Variants in ELOVL4 observed in about 807,000 individuals in gnomAD.
The protein encoded by ELOVL4 is very long chain fatty acid elongase 4.
In ELOVL4, 18 loss-of-function variants were observed where a neutral mutation model predicts 42.1. The ratio of observed to expected loss-of-function variants is 0.43; its 90% confidence interval spans 0.30 to 0.63. ELOVL4 has a LOEUF of 0.63. Ranked by LOEUF, ELOVL4 falls within the 30% of genes least tolerant of loss-of-function variation. ELOVL4 has a pLI of 0.15. For synonymous variants in ELOVL4, 117 were observed against 127.0 expected (o/e 0.92, Z 0.53); for missense variants, 299 against 376.2 (o/e 0.79, Z 1.70).
chr6:79,918,754 G>A (rs1242360873), intron 5 of ELOVL4, among the ~76,000 whole-genome samples: 1 of 152,224 alleles, frequency 6.6e-6, no homozygotes, highest in Non-Finnish European at 1.5e-5. Flanking sequence ...GCATCTGAAA[G>A]GTACACTAAT....
At chr6:79,939,958 T>C (rs1774619077) in intron 1 of ELOVL4, among the ~76,000 whole-genome samples, 1 of 152,262 alleles carries the variant, frequency 6.6e-6, no homozygotes. Flanking sequence ...CTGAATAATA[T>C]TCCATTGTAT....
chr6:79,932,887 T>C (rs1272583857), intron 1 of ELOVL4, among the ~76,000 whole-genome samples: 1 of 151,518 alleles, frequency 6.6e-6, no homozygotes, highest in African/African-American at 2.4e-5. Context: ...ACACAGACAT[T>C]TGAACTTTTT....
In ELOVL4 at chr6:79,926,261, T is replaced by G; in HGVS notation, c.221A>C (p.Gln74Pro). Residue 74 changes from glutamine to proline, a missense_variant, in exon 2 of 6, where the codon CAG becomes CCG. Physicochemically the swap from Gln to Pro is moderately conservative, Grantham distance 76 (BLOSUM62 -1). Transcript: ENST00000369816. The part of the protein sequence containing the change: ...PKWMKDREPF[Q>P]MRLVLIIYNF... ...ATAGATAATGAGCACTAGACGCATC[T>G]GAAAAGGTTCTCGGTCCTTCATCCA... 1 of 1,614,010 alleles carries G rather than the reference T, an allele frequency of 6.2e-7. No individual in the cohort carries two copies.
chr6:79,931,655 TG>T (rs1161610247), intron 1 of ELOVL4, among the ~76,000 whole-genome samples: 1 of 152,152 alleles, frequency 6.6e-6, no homozygotes, highest in Admixed American at 6.6e-5. Context: ...GGATCATGAA[TG>T]CTTCAAAGCC....
intron 1 of ELOVL4, among the ~76,000 whole-genome samples, chr6:79,946,146 C>A (rs1774736931): frequency 6.6e-6 from 1 of 152,180 alleles, no homozygotes; most frequent in Non-Finnish European, 1.5e-5. Context: ...CGTTAATATC[C>A]TTCACTGATA....
chr6:79,924,899 C>G, intron 3 of ELOVL4, 53 bp downstream of exon 3: 1 of 1,047,066 alleles, frequency 9.6e-7, no homozygotes, highest in South Asian at 1.3e-5. Flanking sequence ...CAGACTGGGG[C>G]CTATAAAAAT....
At chr6:79,939,352 A>G (rs1187878438) in intron 1 of ELOVL4, among the ~76,000 whole-genome samples, 2 of 152,156 alleles carry the variant, frequency 1.3e-5, no homozygotes, top group Non-Finnish European at 2.9e-5. Context: ...ACAGTCCAGT[A>G]TCATTAAGCA....
chr6:79,937,349 T>C (rs571528620), intron 1 of ELOVL4, among the ~76,000 whole-genome samples: 17 of 152,164 alleles, frequency 1.1e-4, no homozygotes, highest in African/African-American at 4.1e-4. Context: ...ATTATAAAAT[T>C]TCCTAGAGCA....
intron 1 of ELOVL4, among the ~76,000 whole-genome samples, chr6:79,938,889 G>C (rs1305965485): frequency 6.6e-6 from 1 of 152,166 alleles, no homozygotes; most frequent in Non-Finnish European, 1.5e-5. Context: ...CTAGTGTGAC[G>C]GGAAGACAAG....
At chr6:79,924,843 T>C in intron 3 of ELOVL4, 109 bp downstream of exon 3, 1 of 738,070 alleles carries the variant, frequency 1.4e-6, no homozygotes, top group Admixed American at 2.1e-5. Context: ...TCTAAATGAA[T>C]GTTAAAGAAA....
intron 4 of ELOVL4, among the ~76,000 whole-genome samples, chr6:79,921,120 T>C (rs1382826629): frequency 6.6e-6 from 1 of 152,202 alleles, no homozygotes; most frequent in East Asian, 1.9e-4. Context: ...GGTATTAAAG[T>C]AGTCACAGAT....
chr6:79,943,194 AC>A (rs1561991666), intron 1 of ELOVL4, among the ~76,000 whole-genome samples: 1 of 152,206 alleles, frequency 6.6e-6, no homozygotes, highest in Non-Finnish European at 1.5e-5. Context: ...AGCATACTGT[AC>A]AATACTTAAA....
intron 1 of ELOVL4, among the ~76,000 whole-genome samples, chr6:79,929,156 C>A (rs1395921958): frequency 8.3e-6 from 1 of 121,126 alleles, no homozygotes; most frequent in Non-Finnish European, 1.6e-5. Flanking sequence ...GAAAACGAAT[C>A]ACCAGGTTGG....
Position 79,916,770 on chromosome 6 carries a change from G to A in ELOVL4, c.783C>T (p.Leu261=), listed in dbSNP as rs370048400. The A allele has an allele frequency of 3.7e-6, 6 of 1,614,190 alleles. No individual in the cohort carries two copies. Among genetic ancestry groups the A allele is most frequent in the Non-Finnish European group, 4.2e-6 (5 of 1,180,042 alleles). The stretch of plus-strand genomic sequence containing the variant: ...ATGTCCGAATGTAGAAGTTAAGAAA[G>A]AGAAATATGAAGCTGATTGCATAGG... ...LIAYAISFIF[L]FLNFYIRTYK... The change falls in exon 6 of 6, where the codon CTC becomes CTT. Residue 261 remains leucine, a synonymous_variant. Coordinates refer to ENST00000369816, the MANE Select transcript of ELOVL4 (RefSeq NM_022726.4).
chr6:79,946,151 C>A (rs1774737061), intron 1 of ELOVL4, among the ~76,000 whole-genome samples: 1 of 152,198 alleles, frequency 6.6e-6, no homozygotes, highest in Non-Finnish European at 1.5e-5. Context: ...ATATCCTTCA[C>A]TGATAGGATG....
chr6:79,937,052 G>A (rs979135612), intron 1 of ELOVL4, among the ~76,000 whole-genome samples: 1 of 152,206 alleles, frequency 6.6e-6, no homozygotes, highest in Non-Finnish European at 1.5e-5. Context: ...CAGAGGCTGG[G>A]CTAAAAAATG....
rs1011344469 is a variant in ELOVL4, at chr6:79,947,437, G to A, written c.-158C>T. Reference sequence around the variant, plus strand: ...TTCTCCTGCTCCTCAAGGCGCCGCGGCGGCGGGGATGCGGCAGAAGGCAGG... The same window carrying A: ...TTCTCCTGCTCCTCAAGGCGCCGCGACGGCGGGGATGCGGCAGAAGGCAGG... On this transcript the variant is annotated 5_prime_UTR_variant, in exon 1 of 6. Transcript: ENST00000369816. The A allele has an allele frequency of 1.5e-6, 1 of 655,476 alleles. No homozygotes were observed. The allele number at this position is 655,476 out of a possible 1,614,324, so 40.6% of individuals were successfully genotyped here. A position where few individuals can be genotyped will look rare whatever the true frequency, so the allele number is the denominator to read the frequency against.
At chr6:79,932,443 G>A (rs1774463475) in intron 1 of ELOVL4, among the ~76,000 whole-genome samples, 1 of 151,984 alleles carries the variant, frequency 6.6e-6, no homozygotes, top group African/African-American at 2.4e-5. Context: ...TACTCGGGAG[G>A]CTGAGGCAGG....
In ELOVL4 at chr6:79,924,874, C is replaced by T. The variant is rs958677712; in HGVS notation, c.369+78G>A. 3.8e-5 allele frequency: 34 copies of T among 899,962 alleles called. No homozygotes were observed. In the African/African-American group the frequency reaches 5.0e-4, roughly 13 times the overall value. 55.7% of individuals were successfully genotyped at this position (899,962 alleles called of 1,614,324 possible). On this transcript the variant is annotated intron_variant, in intron 3 of 5. Transcript: ENST00000369816. Reference sequence around the variant, plus strand: ...AGAAACTGTCTCTTAAAAAAAAGTACATTCTATATTTTCACAGACTGGGGC... The same window carrying T: ...AGAAACTGTCTCTTAAAAAAAAGTATATTCTATATTTTCACAGACTGGGGC...
Sources: allele counts gnomAD v4.1 joint callset (sites outside exome capture counted in the v4.1 genomes callset), GRCh38; gene constraint gnomAD v4.1.1; transcripts MANE v1.5; gene names NCBI Gene and HGNC (gene_info 2026-07-23, HGNC 2026-07-21).